The following TNFAIP8L3 variants were observed in gnomAD, a reference collection of about 807,000 sequenced individuals.
The protein encoded by TNFAIP8L3 is TNF alpha induced protein 8 like 3.
Under a neutral mutation model 11.8 loss-of-function variants are expected in TNFAIP8L3, and 7 were observed. The ratio of observed to expected loss-of-function variants is 0.59; its 90% CI spans 0.34 to 1.11. The LOEUF (loss-of-function observed/expected upper bound fraction) is 1.11, where lower values mean the gene tolerates loss of function less well. Ranked by LOEUF, TNFAIP8L3 falls within the 50% of genes most tolerant of loss-of-function variation. The pLI is 0.03. For synonymous variants in TNFAIP8L3, 98 were observed against 103.8 expected (o/e 0.94, Z 0.34); for missense variants, 219 against 258.6 (o/e 0.85, Z 1.05).
intron 1 of TNFAIP8L3, among the ~76,000 whole-genome samples, chr15:51,104,632 G>A (rs1462738640): frequency 1.3e-5 from 2 of 152,186 alleles, no homozygotes. Context: ...TCTCCTCCCT[G>A]CCAGTGGATG....
rs916638132 is a variant in TNFAIP8L3, at chr15:51,072,203, C to T, written c.53-13760G>A. On this transcript the variant is annotated intron_variant, in intron 1 of 1. Coordinates refer to ENST00000637513, the MANE Select transcript of TNFAIP8L3 (RefSeq NM_001311175.2). ...TTGCCCAGGCTGGAGTGCAATGGCA[C>T]GATCTCGGCTCACCGCAACCTCTGC... Among the ~76,000 whole-genome samples the T allele has an allele frequency of 9.9e-5, 15 of 152,050 alleles. 1 individual carries two copies. The highest frequency in any genetic ancestry group is 3.3e-4 in the Admixed American group (5 of 15,280).
At chr15:51,093,611 A>G (rs1363059856) in intron 1 of TNFAIP8L3, among the ~76,000 whole-genome samples, 1 of 152,162 alleles carries the variant, frequency 6.6e-6, no homozygotes, top group Non-Finnish European at 1.5e-5. Context: ...GGAGGGTCCC[A>G]GCCCGCAGGT....
intron 1 of TNFAIP8L3, among the ~76,000 whole-genome samples, chr15:51,078,137 G>A (rs1006715481): frequency 6.6e-6 from 1 of 152,140 alleles, no homozygotes; most frequent in Non-Finnish European, 1.5e-5. Flanking sequence ...GGAGGGAATG[G>A]CCACGGCAGG....
chr15:51,099,736 C>G (rs2065537731), upstream of TNFAIP8L3, among the ~76,000 whole-genome samples: 1 of 152,132 alleles, frequency 6.6e-6, no homozygotes, highest in Non-Finnish European at 1.5e-5. Context: ...AGTGCCTTCC[C>G]ATATTCCTGG....
At chr15:51,082,275 G>A (rs1447238582) in intron 1 of TNFAIP8L3, among the ~76,000 whole-genome samples, 1 of 152,078 alleles carries the variant, frequency 6.6e-6, no homozygotes, top group Non-Finnish European at 1.5e-5. Context: ...TGTACCGTAT[G>A]TTACTGTACT....
chr15:51,101,625 C>CA lies in TNFAIP8L3; in HGVS notation c.172+3379dup, dbSNP rs112137794. 1.9e-3 allele frequency among the ~76,000 whole-genome samples: 237 copies of CA among 126,416 alleles called. 1 individual carries two copies. Among genetic ancestry groups the CA allele is most frequent in the Middle Eastern group, 0.014 (3 of 212 alleles). The allele number at this position is 126,416 out of a possible 152,430, so 82.9% of individuals were successfully genotyped here. On this transcript the variant is annotated intron_variant, in intron 1 of 2. Coordinates refer to the TNFAIP8L3 transcript ENST00000327536. ...AACAAGAGCAAAACTCTGTCTCAAA[C>CA]AAAAAAAAAAAAGAAAGAAAGAAAG...
intron 1 of TNFAIP8L3, among the ~76,000 whole-genome samples, chr15:51,090,113 T>G (rs1036112359): frequency 1.3e-5 from 2 of 152,204 alleles, no homozygotes; most frequent in Admixed American, 1.3e-4. Flanking sequence ...GCTAAGTGCC[T>G]GAAGGAAGAG....
intron 1 of TNFAIP8L3, among the ~76,000 whole-genome samples, chr15:51,058,775 A>C (rs1258775902): frequency 6.6e-6 from 1 of 152,170 alleles, no homozygotes; most frequent in Non-Finnish European, 1.5e-5. Context: ...CACAGAGAAC[A>C]CTCTACCACT....
At chr15:51,100,400 T>A (rs1168933450) in intron 1 of TNFAIP8L3, among the ~76,000 whole-genome samples, 2 of 151,992 alleles carry the variant, frequency 1.3e-5, no homozygotes, top group Admixed American at 6.6e-5. Context: ...TTTTTTTTTT[T>A]AAAGACAACA....
intron 1 of TNFAIP8L3, among the ~76,000 whole-genome samples, chr15:51,091,268 CTA>C (rs1285119774): frequency 1.3e-5 from 2 of 152,190 alleles, no homozygotes; most frequent in Non-Finnish European, 2.9e-5. Context: ...GCGTGTTGCT[CTA>C]TGAGAGATCT....
intron 1 of TNFAIP8L3, among the ~76,000 whole-genome samples, chr15:51,082,897 C>A (rs1409793063): frequency 6.6e-6 from 1 of 152,202 alleles, no homozygotes; most frequent in Non-Finnish European, 1.5e-5. Context: ...TATCATTATG[C>A]AGCACCTGAC....
intron 1 of TNFAIP8L3, among the ~76,000 whole-genome samples, chr15:51,062,124 A>ATG (rs2065245719): frequency 6.6e-6 from 1 of 152,064 alleles, no homozygotes; most frequent in Non-Finnish European, 1.5e-5. Context: ...AAATACAAAA[A>ATG]TTAGCTGGGT....
At chr15:51,102,576 G>T (rs1450681415) in intron 1 of TNFAIP8L3, among the ~76,000 whole-genome samples, 1 of 152,182 alleles carries the variant, frequency 6.6e-6, no homozygotes, top group Non-Finnish European at 1.5e-5. Flanking sequence ...GGCTGTAGAA[G>T]GGGGAAGAAA....
chr15:51,096,280 T>C (rs1363685813), upstream of TNFAIP8L3, among the ~76,000 whole-genome samples: 2 of 152,160 alleles, frequency 1.3e-5, no homozygotes, highest in Admixed American at 1.3e-4. Context: ...CTCTACTTTG[T>C]GTTTTCAGAA....
At chr15:51,088,550 C>T (rs1021723302) in intron 1 of TNFAIP8L3, among the ~76,000 whole-genome samples, 5 of 152,178 alleles carry the variant, frequency 3.3e-5, no homozygotes, top group African/African-American at 9.7e-5. Flanking sequence ...CACCTGGCAC[C>T]ACTCTGAACA....
chr15:51,071,758 CAG>C (rs765202420), intron 1 of TNFAIP8L3, among the ~76,000 whole-genome samples: 8 of 152,202 alleles, frequency 5.3e-5, no homozygotes, highest in Middle Eastern at 3.2e-3. Flanking sequence ...AATGGCTCTC[CAG>C]AGAGACTGCA....
At chr15:51,060,350 G>A (rs1233756677) in intron 1 of TNFAIP8L3, among the ~76,000 whole-genome samples, 1 of 152,154 alleles carries the variant, frequency 6.6e-6, no homozygotes, top group Non-Finnish European at 1.5e-5. Flanking sequence ...TTGAGTAATC[G>A]TCCTGTCACT....
chr15:51,103,527 C>T (rs1057210273), intron 1 of TNFAIP8L3, among the ~76,000 whole-genome samples: 4 of 152,198 alleles, frequency 2.6e-5, no homozygotes, highest in African/African-American at 9.7e-5. Flanking sequence ...GTTATCTAGA[C>T]ATTCATGAGT....
upstream of TNFAIP8L3, among the ~76,000 whole-genome samples, chr15:51,098,290 A>G (rs1191169836): frequency 1.3e-5 from 2 of 152,184 alleles, no homozygotes; most frequent in Admixed American, 1.3e-4. Flanking sequence ...GGAAGGAGAT[A>G]CTTTTCACAC....
Sources: allele counts gnomAD v4.1 joint callset (sites outside exome capture counted in the v4.1 genomes callset), GRCh38; gene constraint gnomAD v4.1.1; transcripts MANE v1.5; gene names NCBI Gene and HGNC (gene_info 2026-07-23, HGNC 2026-07-21).